Variants in PROCR observed in about 807,000 individuals in gnomAD.
The protein encoded by PROCR is endothelial protein C receptor.
Under a neutral mutation model 24.2 loss-of-function variants are expected in PROCR, and 22 were observed. That is an observed-to-expected ratio of 0.91 (90% CI 0.65 to 1.30). The LOEUF (loss-of-function observed/expected upper bound fraction) is 1.30, where lower values mean the gene tolerates loss of function less well. PROCR is among the 50% of genes most tolerant of loss of function. The probability of loss-of-function intolerance (pLI) is 0.00; values close to 1 mark genes in which losing one functional copy is unlikely to be tolerated. For missense variants in PROCR, 288 were observed against 307.7 expected, an observed-to-expected ratio of 0.94 and a Z score of 0.48; for synonymous variants, 137 against 139.2, an observed-to-expected ratio of 0.98 and a Z score of 0.11.
intron 1 of PROCR, chr20:35,174,232 T>C (rs2069946): frequency 0.043 from 8,790 of 205,610 alleles, 213 homozygotes; most frequent in Middle Eastern, 0.07. Context: ...CATGATCTCA[T>C]CCCTGGGTCA....
chr20:35,211,719 A>C (rs1264903623), intron 1 of PROCR, among the ~76,000 whole-genome samples: 2 of 152,102 alleles, frequency 1.3e-5, no homozygotes, highest in African/African-American at 4.8e-5. Context: ...ATAATTATAA[A>C]AACACTGTGA....
chr20:35,209,088 T>C (rs1056093006), intron 1 of PROCR, among the ~76,000 whole-genome samples: 3 of 152,154 alleles, frequency 2.0e-5, no homozygotes, highest in Non-Finnish European at 2.9e-5. Context: ...TTACACAAAA[T>C]AATTACTTAA....
chr20:35,178,428 A>G (rs1600736586), downstream of PROCR, among the ~76,000 whole-genome samples: 1 of 147,776 alleles, frequency 6.8e-6, no homozygotes, highest in East Asian at 2.0e-4. Flanking sequence ...AAAAAAAAAA[A>G]AAAAAAAAGA....
Position 35,177,334 on chromosome 20 carries a change from ATAT to A in PROCR, c.*524_*526del, listed in dbSNP as rs1176515397. On this transcript the variant is annotated 3_prime_UTR_variant, in exon 4 of 4. Coordinates refer to ENST00000216968, the MANE Select transcript of PROCR (RefSeq NM_006404.5). ...GTGATCAATTATTAATCAATTAATA[ATAT>A]TAATAAATTTCTTATATTTAAGGCA... The A allele has an allele frequency of 4.1e-6, 4 of 980,304 alleles. No homozygotes were observed. Among genetic ancestry groups the A allele is most frequent in the African/African-American group, 1.8e-5 (1 of 57,080 alleles). The allele number at this position is 980,304 out of a possible 1,614,324, so 60.7% of individuals were successfully genotyped here.
Position 35,185,219 on chromosome 20 carries a change from AAAT to A in PROCR, c.94+8779_94+8781del, listed in dbSNP as rs1290267861. ...TACTCCCATAAGAATGGCCATAATC[AAAT>A]AATAAAATAATAGTAGACGTTGACG... On this transcript the variant is annotated intron_variant, in intron 1 of 1. Transcript: ENST00000634509. Among the ~76,000 whole-genome samples, 6 of 152,312 alleles carry A rather than the reference AAAT, an allele frequency of 3.9e-5. No individual in the cohort carries two copies. The East Asian group carries it at 1.2e-3, about 29-fold the overall frequency.
At chr20:35,199,625 T>C (rs774493038) in intron 1 of PROCR, among the ~76,000 whole-genome samples, 1 of 151,808 alleles carries the variant, frequency 6.6e-6, no homozygotes, top group African/African-American at 2.4e-5. Flanking sequence ...GGTGGGCGCC[T>C]GTAGTCCCAG....
intron 1 of PROCR, among the ~76,000 whole-genome samples, chr20:35,186,006 C>T (rs2086122622): frequency 6.6e-6 from 1 of 152,170 alleles, no homozygotes; most frequent in South Asian, 2.1e-4. Context: ...AACAATTTGA[C>T]AGTTCTTCAA....
chr20:35,180,073 C>T (rs917321525), downstream of PROCR, among the ~76,000 whole-genome samples: 11 of 152,084 alleles, frequency 7.2e-5, no homozygotes, highest in Non-Finnish European at 1.6e-4. Flanking sequence ...TGGCGAAACC[C>T]TGTCTCTACT....
intron 1 of PROCR, among the ~76,000 whole-genome samples, chr20:35,211,782 G>A (rs2060363334): frequency 6.6e-6 from 1 of 152,170 alleles, no homozygotes; most frequent in African/African-American, 2.4e-5. Context: ...GGAAGGCTGA[G>A]GCAGGAGGAT....
rs68132775 is a variant in PROCR, at chr20:35,196,180, CAAAAAAAAAAAA to C, written c.95-19697_95-19686del. 3.0e-4 allele frequency among the ~76,000 whole-genome samples: 19 copies of C among 63,446 alleles called. 1 individual carries two copies. In the Admixed American group the frequency reaches 4.2e-3, roughly 14 times the overall value. 41.6% of individuals were successfully genotyped at this position (63,446 alleles called of 152,430 possible). ...CTGGGCAACAGAGTGAGACTGCCTC[CAAAAAAAAAAAA>C]AAAAAAAAAAAAAAATTAACAGAGC... is the stretch of plus-strand genomic sequence containing the variant. On this transcript the variant is annotated intron_variant, in intron 1 of 1. Coordinates refer to the PROCR transcript ENST00000634509.
chr20:35,206,392 T>G (rs1352685961), intron 1 of PROCR, among the ~76,000 whole-genome samples: 1 of 148,832 alleles, frequency 6.7e-6, no homozygotes, highest in East Asian at 2.0e-4. Flanking sequence ...GGACAATCAC[T>G]TGAACCCGGG....
At chr20:35,171,211 C>G (rs1326680816), upstream of PROCR, among the ~76,000 whole-genome samples, 1 of 152,154 alleles carries the variant, frequency 6.6e-6, no homozygotes, top group East Asian at 1.9e-4. Context: ...TTTCTACTTG[C>G]TTCCTAGAGT....
intron 1 of PROCR, among the ~76,000 whole-genome samples, chr20:35,190,928 C>T (rs781532915): frequency 2.6e-5 from 4 of 151,524 alleles, no homozygotes; most frequent in East Asian, 1.9e-4. Context: ...GGTGTGATCT[C>T]GGCCCACTGC....
At chr20:35,216,177 A>G (rs1286096030) in exon 2 of PROCR, 1 of 152,282 alleles carries the variant, frequency 6.6e-6, no homozygotes, top group Non-Finnish European at 1.5e-5. Flanking sequence ...AGCCTGGGCT[A>G]CAAGAGCGAA....
At chr20:35,181,215 C>T (rs981634829), downstream of PROCR, among the ~76,000 whole-genome samples, 2 of 151,768 alleles carry the variant, frequency 1.3e-5, no homozygotes, top group Admixed American at 1.3e-4. Context: ...CTCAAAATGA[C>T]ATTCAAGGCC....
At chr20:35,173,423 CTTTTT>C (rs58785250) in intron 1 of PROCR, among the ~76,000 whole-genome samples, 2 of 88,154 alleles carry the variant, frequency 2.3e-5, no homozygotes, top group African/African-American at 4.0e-5. Flanking sequence ...TTTCTTTTTT[CTTTTT>C]TTTTTTTTTT....
chr20:35,211,467 T>C (rs2060362533), intron 1 of PROCR, among the ~76,000 whole-genome samples: 1 of 152,216 alleles, frequency 6.6e-6, no homozygotes, highest in Non-Finnish European at 1.5e-5. Flanking sequence ...CAGGACCTGC[T>C]GGCCTCTATT....
At chr20:35,196,942 G>A (rs1422692513) in intron 1 of PROCR, among the ~76,000 whole-genome samples, 2 of 152,110 alleles carry the variant, frequency 1.3e-5, no homozygotes, top group African/African-American at 4.8e-5. Flanking sequence ...ACAGGGGGAA[G>A]GTAAAGGGAC....
At chr20:35,177,732 C>G (rs1345889223), downstream of PROCR, among the ~76,000 whole-genome samples, 2 of 152,034 alleles carry the variant, frequency 1.3e-5, no homozygotes, top group Non-Finnish European at 2.9e-5. Context: ...GCCTGGTCTT[C>G]TCACTCATTC....
Sources: allele counts gnomAD v4.1 joint callset (sites outside exome capture counted in the v4.1 genomes callset), GRCh38; gene constraint gnomAD v4.1.1; transcripts MANE v1.5; gene names NCBI Gene and HGNC (gene_info 2026-07-23, HGNC 2026-07-21).